FRMD4B: variants seen among roughly 807,000 people sequenced by gnomAD.
The protein encoded by FRMD4B is FERM domain-containing protein 4B.
FRMD4B carries 74 observed loss-of-function variants against 141.5 expected under a neutral mutation model. That is an observed-to-expected ratio of 0.52 (90% CI 0.43 to 0.63). The LOEUF is 0.63. FRMD4B is among the 30% of genes least tolerant of loss of function. FRMD4B has a pLI of 0.00. For synonymous variants in FRMD4B, 506 were observed against 467.9 expected (o/e 1.08, Z -1.05); for missense variants, 1,366 against 1,253.4 (o/e 1.09, Z -1.36).
chr3:69,272,864 C>T (rs901394053), intron 5 of FRMD4B, among the ~76,000 whole-genome samples: 1 of 152,142 alleles, frequency 6.6e-6, no homozygotes, highest in Admixed American at 6.5e-5. Flanking sequence ...ATGGGTCTTT[C>T]CATGAATGTG....
chr3:69,492,801 G>T (rs905938083), intron 1 of FRMD4B, among the ~76,000 whole-genome samples: 5 of 152,200 alleles, frequency 3.3e-5, no homozygotes, highest in African/African-American at 1.2e-4. Context: ...TGTCTTGTAT[G>T]TCTGCTTAGT....
At chr3:69,237,956 T>C (rs1174450318) in intron 7 of FRMD4B, among the ~76,000 whole-genome samples, 2 of 152,154 alleles carry the variant, frequency 1.3e-5, no homozygotes, top group East Asian at 3.9e-4. Context: ...GGCCTCAAAC[T>C]CCTGAGCTCA....
chr3:69,516,580 C>G (rs1017104915), intron 1 of FRMD4B, among the ~76,000 whole-genome samples: 3 of 152,288 alleles, frequency 2.0e-5, no homozygotes, highest in African/African-American at 7.2e-5. Flanking sequence ...GATTTTAGCC[C>G]GGTGAAACCT....
At chr3:69,401,965 C>A (rs142881966) in intron 2 of FRMD4B, among the ~76,000 whole-genome samples, 7 of 152,242 alleles carry the variant, frequency 4.6e-5, no homozygotes, top group African/African-American at 1.7e-4. Flanking sequence ...AAATGTTTTT[C>A]ATAATAAATG....
intron 1 of FRMD4B, among the ~76,000 whole-genome samples, chr3:69,475,450 T>C (rs1705976054): frequency 6.6e-6 from 1 of 151,138 alleles, no homozygotes; most frequent in African/African-American, 2.4e-5. Flanking sequence ...AGTGAGAATA[T>C]GTGGTGTTTG....
At chr3:69,435,432 C>T (rs1432754380) in intron 1 of FRMD4B, among the ~76,000 whole-genome samples, 2 of 151,798 alleles carry the variant, frequency 1.3e-5, no homozygotes, top group Non-Finnish European at 2.9e-5. Context: ...CATCACAAGA[C>T]TATGCTTGCC....
At chr3:69,542,303 C>A (rs12489835) in exon 1 of FRMD4B, 45,496 of 152,820 alleles carry the variant, frequency 0.3, 7,028 homozygotes, top group African/African-American at 0.34. Context: ...CCCGGCTCTG[C>A]GCCAGTCCTG....
In FRMD4B at chr3:69,295,730, C is replaced by T. The variant is rs138996402; in HGVS notation, c.416+6613G>A. ...GGCCTGGTCCTCAGTGTCAATAGTG[C>T]TGCTGCAGTGAAACCTTGCACTGAA... is the stretch of plus-strand genomic sequence containing the variant. On this transcript the variant is annotated intron_variant, in intron 4 of 22. Coordinates refer to ENST00000398540, the MANE Select transcript of FRMD4B (RefSeq NM_015123.3). Among the ~76,000 whole-genome samples, 10 of 152,336 alleles carry T rather than the reference C, an allele frequency of 6.6e-5. No homozygotes were observed. In the East Asian group the frequency reaches 1.9e-3, roughly 29 times the overall value.
chr3:69,369,312 AAGCATGACCTATTT>A lies in FRMD4B; in HGVS notation c.162+16502_162+16515del, dbSNP rs1380861854. Among the ~76,000 whole-genome samples the A allele has an allele frequency of 3.9e-5, 6 of 152,334 alleles. No homozygotes were observed. In the South Asian group the frequency reaches 1.2e-3, roughly 32 times the overall value. ...CACATATTTATTTCTTCATAGATTT[AAGCATGACCTATTT>A]AGCTCAGAGAAAAAACAAAGAAAAG... On this transcript the variant is annotated intron_variant, in intron 1 of 22. Coordinates refer to ENST00000398540, the MANE Select transcript of FRMD4B (RefSeq NM_015123.3).
chr3:69,287,287 T>C (rs1445508283), intron 5 of FRMD4B, among the ~76,000 whole-genome samples: 3 of 152,242 alleles, frequency 2.0e-5, no homozygotes, highest in Non-Finnish European at 2.9e-5. Context: ...CTTGAAAATA[T>C]GTGGCTGTGA....
In FRMD4B at chr3:69,284,277, C is replaced by A. The variant is rs1351791; in HGVS notation, c.501+3475G>T. Among the ~76,000 whole-genome samples the A allele has an allele frequency of 2.4e-3, 364 of 152,234 alleles. 2 individuals are homozygous for A. Among genetic ancestry groups the A allele is most frequent in the African/African-American group, 8.2e-3 (341 of 41,486 alleles). On this transcript the variant is annotated intron_variant, in intron 5 of 22. Coordinates refer to ENST00000398540, the MANE Select transcript of FRMD4B (RefSeq NM_015123.3). ...CCTGAAAATCTATAGAGGGTCTCCT[C>A]TGAGGATTCGGTAGAGCACTCATCA...
At chr3:69,243,520 T>C (rs2093403235) in intron 7 of FRMD4B, among the ~76,000 whole-genome samples, 1 of 152,100 alleles carries the variant, frequency 6.6e-6, no homozygotes, top group Non-Finnish European at 1.5e-5. Context: ...GGTGTCTGTG[T>C]GCAATGAGAA....
intron 1 of FRMD4B, among the ~76,000 whole-genome samples, chr3:69,528,645 C>T (rs190367221): frequency 1.2e-3 from 179 of 152,220 alleles, no homozygotes; most frequent in Non-Finnish European, 2.1e-3. Context: ...GGACTGCAGG[C>T]GTGAGCCACC....
intron 7 of FRMD4B, among the ~76,000 whole-genome samples, chr3:69,243,892 A>C (rs2093406181): frequency 6.6e-6 from 1 of 152,090 alleles, no homozygotes; most frequent in African/African-American, 2.4e-5. Flanking sequence ...CTAAAAACAC[A>C]AACAATAGCT....
intron 1 of FRMD4B, among the ~76,000 whole-genome samples, chr3:69,439,131 AAG>A (rs1160081950): frequency 1.3e-5 from 2 of 152,056 alleles, no homozygotes; most frequent in Non-Finnish European, 2.9e-5. Context: ...ACTTTTTATA[AAG>A]AGTATTATGC....
chr3:69,442,835 G>C (rs570022883), intron 1 of FRMD4B, among the ~76,000 whole-genome samples: 1 of 152,308 alleles, frequency 6.6e-6, no homozygotes, highest in South Asian at 2.1e-4. Context: ...ATGGGTTCTA[G>C]ACTCTGAGTG....
rs1210966997 is a variant in FRMD4B, at chr3:69,313,466, C to T, written c.214G>A (p.Glu72Lys). The T allele has an allele frequency of 5.1e-6, 8 of 1,571,494 alleles. No individual in the cohort carries two copies. The South Asian group carries it at 8.2e-5, about 16-fold the overall frequency. Residue 72 changes from glutamate (E) to lysine (K), a missense_variant, in exon 2 of 23, where the codon GAG (glutamate) becomes AAG (lysine). Transcript: ENST00000398540. ...QVHLLDDRRL[E>K]LLVQPKLLAR... ...GCCACACCTACCTGAACCAGCAGCT[C>T]CAGTCTCCTATCATCCAGGAGGTGC...
chr3:69,527,987 C>CT (rs1700954404), intron 1 of FRMD4B, among the ~76,000 whole-genome samples: 1 of 152,184 alleles, frequency 6.6e-6, no homozygotes, highest in Non-Finnish European at 1.5e-5. Flanking sequence ...GAGGCAAGAT[C>CT]TCAATAAGTG....
chr3:69,343,966 G>T (rs1702838843), intron 1 of FRMD4B, among the ~76,000 whole-genome samples: 1 of 152,150 alleles, frequency 6.6e-6, no homozygotes, highest in African/African-American at 2.4e-5. Flanking sequence ...TTCCCCAACT[G>T]GTAATGGACC....
Sources: gnomAD v4.1 joint callset for allele counts (sites outside exome capture counted in the v4.1 genomes callset) on GRCh38, gnomAD v4.1.1 for gene constraint, MANE v1.5 for transcripts, NCBI Gene and HGNC (gene_info 2026-07-23, HGNC 2026-07-21) for gene names.